Variants in GLI3 observed in about 807,000 individuals in gnomAD.
GLI3 encodes GLI family zinc finger 3.
In GLI3, 20 loss-of-function variants were observed where a neutral mutation model predicts 100.8. The ratio of observed to expected loss-of-function variants is 0.20; its 90% confidence interval spans 0.14 to 0.29. The LOEUF (loss-of-function observed/expected upper bound fraction) is 0.29. Among genes scored for constraint, GLI3 ranks in the 10% least tolerant of loss-of-function variants. The pLI, the probability that GLI3 is intolerant of heterozygous loss-of-function variation, is 1.00. For missense variants in GLI3, 2,040 were observed against 2,128.5 expected (o/e 0.96, Z 0.82); for synonymous variants, 938 against 860.5 (o/e 1.09, Z -1.58).
chr7:42,246,134 CA>C (rs1322280218), intron 1 of GLI3, among the ~76,000 whole-genome samples: 1 of 152,214 alleles, frequency 6.6e-6, no homozygotes, highest in Non-Finnish European at 1.5e-5. Context: ...CCTCCCTTAC[CA>C]ACTTCCACCT....
chr7:42,011,324 C>A (rs934985024), intron 10 of GLI3, among the ~76,000 whole-genome samples: 26 of 152,300 alleles, frequency 1.7e-4, no homozygotes, highest in South Asian at 4.1e-4. Context: ...AAAGGCAGAG[C>A]CTACAGCTTA....
chr7:41,967,270 T>C (rs1469490551), intron 14 of GLI3, among the ~76,000 whole-genome samples: 1 of 152,194 alleles, frequency 6.6e-6, no homozygotes, highest in Non-Finnish European at 1.5e-5. Context: ...CCTCGTGGTT[T>C]TAAATTTTGG....
At position 42,095,540 on chromosome 7, in the gene GLI3, G is replaced by A. The variant is rs186985476; in HGVS notation, c.368-18683C>T. Among the ~76,000 whole-genome samples, 606 of 152,320 alleles carry A rather than the reference G, an allele frequency of 4.0e-3. 2 individuals carry two copies. Among genetic ancestry groups the A allele is most frequent in the South Asian group, 0.015 (71 of 4,826 alleles). Reference sequence around the variant, plus strand: ...GTGGAAGGGAAATGAATGGGATGGAGGAGGGGCTCTGGGAGAAGCAGAAGT... The same window carrying A: ...GTGGAAGGGAAATGAATGGGATGGAAGAGGGGCTCTGGGAGAAGCAGAAGT... On this transcript the variant is annotated intron_variant, in intron 3 of 14. Transcript: ENST00000395925.
intron 7 of GLI3, among the ~76,000 whole-genome samples, chr7:42,028,705 G>C (rs929112355): frequency 1.3e-5 from 2 of 151,652 alleles, no homozygotes; most frequent in East Asian, 1.9e-4. Flanking sequence ...CGGAGGTTGC[G>C]GTGAGCCAAG....
chr7:42,133,745 T>G (rs1256409452), intron 3 of GLI3, among the ~76,000 whole-genome samples: 1 of 150,860 alleles, frequency 6.6e-6, no homozygotes, highest in East Asian at 1.9e-4. Context: ...GAGTGTGGCA[T>G]CAAAGGAACA....
intron 3 of GLI3, among the ~76,000 whole-genome samples, chr7:42,086,601 C>G (rs1241968573): frequency 6.6e-6 from 1 of 152,090 alleles, no homozygotes; most frequent in African/African-American, 2.4e-5. Flanking sequence ...AGGCACCATG[C>G]ACTTCATGGC....
At chr7:42,128,803 A>T (rs1562746233) in intron 3 of GLI3, among the ~76,000 whole-genome samples, 1 of 152,082 alleles carries the variant, frequency 6.6e-6, no homozygotes, top group Non-Finnish European at 1.5e-5. Flanking sequence ...TTAACAAATT[A>T]TCTCCCTTAA....
At chr7:42,158,159 C>A (rs1048707851) in intron 2 of GLI3, among the ~76,000 whole-genome samples, 6 of 152,198 alleles carry the variant, frequency 3.9e-5, no homozygotes, top group African/African-American at 1.4e-4. Context: ...ATGGGAAATG[C>A]GTTAACAACA....
chr7:42,248,350 C>A lies in GLI3; in HGVS notation c.-43+15644G>T, dbSNP rs372946005. ...TAAAATAAATCATAAATATGGCCAC[C>A]GATCTACCATAAATGCAAAGCCATA... On this transcript the variant is annotated intron_variant, in intron 1 of 2. Coordinates refer to the GLI3 transcript ENST00000678978. Among the ~76,000 whole-genome samples, 92 of 152,082 alleles carry A rather than the reference C, an allele frequency of 6.0e-4. 2 individuals carry two copies. The South Asian group carries it at 0.019, about 31-fold the overall frequency.
intron 3 of GLI3, among the ~76,000 whole-genome samples, chr7:42,122,980 A>T (rs1040515397): frequency 2.0e-5 from 3 of 152,234 alleles, no homozygotes; most frequent in Non-Finnish European, 2.9e-5. Flanking sequence ...GTACTACTTC[A>T]AACTTTTTAT....
intron 4 of GLI3, among the ~76,000 whole-genome samples, chr7:42,057,766 T>C (rs1438739386): frequency 6.6e-6 from 1 of 152,180 alleles, no homozygotes; most frequent in African/African-American, 2.4e-5. Context: ...CTAGGTGAAG[T>C]AACTCAAGAA....
chr7:41,977,481 T>G, intron 12 of GLI3, 77 bp downstream of exon 12: 2 of 1,448,654 alleles, frequency 1.4e-6, no homozygotes, highest in Non-Finnish European at 1.9e-6. Context: ...CAGAACACAC[T>G]GCGCCTTCCC....
intron 10 of GLI3, among the ~76,000 whole-genome samples, chr7:42,006,242 GGT>G (rs144248656): frequency 0.062 from 9,466 of 152,250 alleles, 417 homozygotes; most frequent in Non-Finnish European, 0.096. Context: ...CAGGCTGCCT[GGT>G]GCTTCCCTCA....
At chr7:42,076,159 A>T (rs991786718) in intron 4 of GLI3, among the ~76,000 whole-genome samples, 1 of 152,236 alleles carries the variant, frequency 6.6e-6, no homozygotes, top group Non-Finnish European at 1.5e-5. Context: ...AAACCAAGGA[A>T]GATGGTATTT....
intron 3 of GLI3, among the ~76,000 whole-genome samples, chr7:42,110,017 A>C (rs1172188858): frequency 6.6e-6 from 1 of 152,224 alleles, no homozygotes; most frequent in Non-Finnish European, 1.5e-5. Flanking sequence ...AGGAATATGC[A>C]TATCTTTCTT....
chr7:41,987,327 C>A (rs998082750), intron 10 of GLI3, among the ~76,000 whole-genome samples: 4 of 151,948 alleles, frequency 2.6e-5, no homozygotes, highest in African/African-American at 9.7e-5. Flanking sequence ...CGCCACCACT[C>A]CCAGCTAATT....
intron 3 of GLI3, among the ~76,000 whole-genome samples, chr7:42,147,492 A>G (rs147720014): frequency 6.6e-6 from 1 of 152,306 alleles, no homozygotes; most frequent in East Asian, 1.9e-4. Flanking sequence ...CTCAATATGA[A>G]CTTCATTACT....
At chr7:42,078,886 C>T (rs951009546) in intron 3 of GLI3, among the ~76,000 whole-genome samples, 16 of 152,086 alleles carry the variant, frequency 1.1e-4, no homozygotes, top group East Asian at 5.8e-4. Context: ...CCCGCCACCA[C>T]GCCTGGCTAA....
At chr7:42,007,542 C>T (rs1475359047) in intron 10 of GLI3, among the ~76,000 whole-genome samples, 1 of 152,154 alleles carries the variant, frequency 6.6e-6, no homozygotes, top group African/African-American at 2.4e-5. Context: ...TCTCAAAGTA[C>T]TTGATTATTT....
Sources: gnomAD v4.1 joint callset for allele counts (sites outside exome capture counted in the v4.1 genomes callset) on GRCh38, gnomAD v4.1.1 for gene constraint, MANE v1.5 for transcripts, NCBI Gene and HGNC (gene_info 2026-07-23, HGNC 2026-07-21) for gene names.